Variants in TICAM1 observed in about 807,000 individuals in gnomAD.
TICAM1 encodes TIR domain containing adaptor molecule 1, also known as TIR domain-containing adapter molecule 1.
For missense variants in TICAM1, 895 were observed against 938.2 expected (o/e 0.95, Z 0.60); for synonymous variants, 439 against 415.4 (o/e 1.06, Z -0.69).
chr19:4,826,279 G>A (rs2093605245), intron 1 of TICAM1, among the ~76,000 whole-genome samples: 1 of 150,104 alleles, frequency 6.7e-6, no homozygotes, highest in African/African-American at 2.4e-5. Flanking sequence ...TTTACATATT[G>A]GATTAATAAA....
Position 4,817,982 on chromosome 19 carries a change from C to A in TICAM1, c.396G>T (p.Arg132=). The A allele has an allele frequency of 1.2e-6, 2 of 1,613,052 alleles. No individual in the cohort carries two copies. The highest frequency in any genetic ancestry group is 8.5e-7 in the Non-Finnish European group (1 of 1,179,862). The stretch of plus-strand genomic sequence containing the variant: ...GGGCCTCATCCTGAAGTTCCCCCAG[C>A]CGGTGGTCGTCCCTGGAGCTGAGGG... ...VRTLSSRDDH[R]LGELQDEARN... The change falls in exon 2 of 2, where the codon CGG becomes CGT. Residue 132 remains arginine, a synonymous_variant. Transcript: ENST00000248244. This position sits in a 1 kb window ranked among gnomAD's most constrained non-coding sequence, Gnocchi z 4.7.
At chr19:4,828,103 A>G (rs1212480687) in intron 1 of TICAM1, among the ~76,000 whole-genome samples, 1 of 151,168 alleles carries the variant, frequency 6.6e-6, no homozygotes, top group African/African-American at 2.5e-5. Context: ...CTTAGAATTC[A>G]CACTCTTTTT....
In TICAM1 at chr19:4,816,404, C is replaced by T. The variant is rs775404991; in HGVS notation, c.1974G>A (p.Pro658=). ...PAAFPQSLPF[P]QSPAFPTASP... Reference sequence around the variant, plus strand: ...AGGCCGTAGGGAAGGCTGGGGACTGCGGGAAGGGCAGTGACTGTGGAAAGG... The same window carrying T: ...AGGCCGTAGGGAAGGCTGGGGACTGTGGGAAGGGCAGTGACTGTGGAAAGG... Residue 658 remains proline (P), a synonymous_variant, in exon 2 of 2, where the codon CCG becomes CCA. Transcript: ENST00000248244. This position sits in a 1 kb window ranked among gnomAD's most constrained non-coding sequence, Gnocchi z 4.3. 1.9e-6 allele frequency: 3 copies of T among 1,552,574 alleles called. No individual in the cohort carries two copies. Among genetic ancestry groups the T allele is most frequent in the African/African-American group, 2.8e-5 (2 of 71,316 alleles).
chr19:4,816,713 G>C lies in TICAM1; in HGVS notation c.1665C>G (p.His555Gln), dbSNP rs550630185. ...DTRALREQSQ[H>Q]LDGERMQAAA... ...CCGCCTGCATCCGCTCACCGTCCAG[G>C]TGTTGGCTCTGTTCCCGCAGGGCTC... Residue 555 changes from histidine (H) to glutamine (Q), a missense_variant, in exon 2 of 2, where the codon CAC becomes CAG. Transcript: ENST00000248244. The surrounding 1 kb of genome is among the most constrained non-coding windows in gnomAD (Gnocchi z 4.3). 10 of 1,614,030 alleles carry C rather than the reference G, an allele frequency of 6.2e-6. No individual in the cohort carries two copies. The African/African-American group carries it at 1.2e-4, about 19-fold the overall frequency.
chr19:4,817,865 C>A lies in TICAM1; in HGVS notation c.513G>T (p.Leu171Phe). ...NLGCLPPSSA[L>F]PSGTRSLPRP... Reference sequence around the variant, plus strand: ...GTGGGAGGCTCCTGGTCCCAGAGGGCAAAGCCGAGGATGGTGGGAGGCAGC... The same window carrying A: ...GTGGGAGGCTCCTGGTCCCAGAGGGAAAAGCCGAGGATGGTGGGAGGCAGC... The change falls in exon 2 of 2, where the codon TTG becomes TTT. Residue 171 changes from leucine (L) to phenylalanine (F), a missense_variant. Transcript: ENST00000248244. The surrounding 1 kb of genome is among the most constrained non-coding windows in gnomAD (Gnocchi z 4.7). 1 of 1,613,132 alleles carries A rather than the reference C, an allele frequency of 6.2e-7. No homozygotes were observed. The highest frequency in any genetic ancestry group is 1.1e-5 in the South Asian group (1 of 91,056).
At position 4,818,135 on chromosome 19, in the gene TICAM1, G is replaced by A. The variant is rs2093590902; in HGVS notation, c.243C>T (p.Asp81=). 1 of 1,609,376 alleles carries A rather than the reference G, an allele frequency of 6.2e-7. No individual in the cohort carries two copies. The change falls in exon 2 of 2, where the codon GAC becomes GAT. Residue 81 remains aspartate, a synonymous_variant. Transcript: ENST00000248244. The surrounding 1 kb of genome is among the most constrained non-coding windows in gnomAD (Gnocchi z 4.0). Reference sequence around the variant, plus strand: ...GGGGCTCCTCTGGGTCCTCGGTGCTGTCCACGCCAGCCCACTGGCGGGCCA... The same window carrying A: ...GGGGCTCCTCTGGGTCCTCGGTGCTATCCACGCCAGCCCACTGGCGGGCCA... The part of the protein sequence containing the change: ...RLVARQWAGV[D]STEDPEEPPD...
chr19:4,830,946 C>T (rs527536868), intron 1 of TICAM1, among the ~76,000 whole-genome samples: 42 of 152,236 alleles, frequency 2.8e-4, no homozygotes, highest in African/African-American at 9.6e-4. Flanking sequence ...GTAAGGAAGC[C>T]CATGTGGCTG....
At position 4,818,497 on chromosome 19, in the gene TICAM1, C is replaced by T; in HGVS notation, c.-120G>A. 12 of 1,439,194 alleles carry T rather than the reference C, an allele frequency of 8.3e-6. No individual in the cohort carries two copies. The highest frequency in any genetic ancestry group is 1.1e-5 in the Non-Finnish European group (12 of 1,092,992). 89.2% of individuals were successfully genotyped at this position (1,439,194 alleles called of 1,614,324 possible). A position where few individuals can be genotyped will look rare whatever the true frequency, so the allele number is the denominator to read the frequency against. ...TACCCATTCACTGTTCCAGGTTCTG[C>T]AGGAGCTGCCCAAGCAGATCTGTAG... On this transcript the variant is annotated 5_prime_UTR_variant, in exon 2 of 2. Coordinates refer to ENST00000248244, the MANE Select transcript of TICAM1 (RefSeq NM_182919.4). The surrounding 1 kb of genome is among the most constrained non-coding windows in gnomAD (Gnocchi z 4.0).
At chr19:4,830,374 G>A (rs113931081) in intron 1 of TICAM1, among the ~76,000 whole-genome samples, 2,166 of 152,128 alleles carry the variant, frequency 0.014, 48 homozygotes, top group African/African-American at 0.049. Context: ...CACTGCACCC[G>A]GCTAACTTTC....
chr19:4,817,931 A>T lies in TICAM1; in HGVS notation c.447T>A (p.Ala149=). 1 of 1,613,972 alleles carries T rather than the reference A, an allele frequency of 6.2e-7. No homozygotes were observed. Among genetic ancestry groups the T allele is most frequent in the Non-Finnish European group, 8.5e-7 (1 of 1,179,996 alleles). ...EARNRCGWDI[A]GDPGSIRTLQ... is the part of the protein sequence containing the mutation. ...GCGTCCGGATGCTCCCTGGATCCCCAGCAATGTCCCACCCACACCGGTTTC... is the reference window on the plus strand; with the variant it reads ...GCGTCCGGATGCTCCCTGGATCCCCTGCAATGTCCCACCCACACCGGTTTC... The change falls in exon 2 of 2, where the codon GCT becomes GCA. Residue 149 remains alanine (A), a synonymous_variant. Coordinates refer to ENST00000248244, the MANE Select transcript of TICAM1 (RefSeq NM_182919.4). The surrounding 1 kb of genome is among the most constrained non-coding windows in gnomAD (Gnocchi z 4.7).
intron 1 of TICAM1, among the ~76,000 whole-genome samples, chr19:4,823,829 TA>T (rs1173775355): frequency 1.3e-5 from 2 of 152,080 alleles, no homozygotes; most frequent in Non-Finnish European, 2.9e-5. Context: ...TTCTGTTGCT[TA>T]AGCCATCCGG....
chr19:4,827,362 ACT>A (rs1217550310), intron 1 of TICAM1, among the ~76,000 whole-genome samples: 3 of 103,268 alleles, frequency 2.9e-5, no homozygotes, highest in African/African-American at 3.7e-5. Flanking sequence ...CAAGAGTGAA[ACT>A]CTGTCTCCAA....
rs67187848 is a variant in TICAM1 at position 4,821,644 on chromosome 19, A to ATTT, written c.-139-3131_-139-3129dup. ...CAGGGGCCACAAAATATGGCCCACG[A>ATTT]TTTTTTTTTTTTTTTTTGAGACAGA... is the stretch of plus-strand genomic sequence containing the variant. On this transcript the variant is annotated intron_variant, in intron 1 of 1. Transcript: ENST00000248244. 6.3e-4 allele frequency among the ~76,000 whole-genome samples: 86 copies of ATTT among 136,632 alleles called. 1 individual carries two copies. The highest frequency in any genetic ancestry group is 3.9e-3 in the Middle Eastern group (1 of 256). The allele number at this position is 136,632 out of a possible 152,430, so 89.6% of individuals were successfully genotyped here.
chr19:4,816,499 AC>A lies in TICAM1; in HGVS notation c.1878del (p.Cys627AlafsTer65). ...GAPPPFPTWP[G>X]CPQPPPLHAW... ...GCGTGCAGGGGTGGCGGCTGCGGGC[AC>A]CCCGGCCAAGTGGGAAAGGGTGGCG... On this transcript the variant is annotated frameshift_variant, in exon 2 of 2. Coordinates refer to ENST00000248244, the MANE Select transcript of TICAM1 (RefSeq NM_182919.4). LOFTEE classifies it low-confidence loss of function (END_TRUNC). The surrounding 1 kb of genome is among the most constrained non-coding windows in gnomAD (Gnocchi z 4.3). 1 of 1,574,388 alleles carries A rather than the reference AC, an allele frequency of 6.4e-7. No individual in the cohort carries two copies.
At chr19:4,831,303 GGGGAGGAATCTGGGGTGTCC>G (rs1199666051) in intron 1 of TICAM1, among the ~76,000 whole-genome samples, 1 of 150,380 alleles carries the variant, frequency 6.6e-6, no homozygotes, top group African/African-American at 2.4e-5. Flanking sequence ...CCTGGGTGTT[GGGGAGGAATCTGGGGTGTCC>G]GGGAGGAATC....
chr19:4,822,208 T>G (rs947997191), intron 1 of TICAM1, among the ~76,000 whole-genome samples: 3 of 151,996 alleles, frequency 2.0e-5, no homozygotes, highest in Non-Finnish European at 2.9e-5. Flanking sequence ...GTGCTGGGAT[T>G]ACAAGCGTGA....
Position 4,816,205 on chromosome 19 carries a change from G to T in TICAM1, c.*34C>A. The T allele has an allele frequency of 6.7e-7, 1 of 1,490,854 alleles. No individual in the cohort carries two copies. The highest frequency in any genetic ancestry group is 2.3e-5 in the Admixed American group (1 of 42,644). The allele number at this position is 1,490,854 out of a possible 1,614,324, so 92.4% of individuals were successfully genotyped here. ...GTCCTGGCCGATGCCTGGGTCCAGG[G>T]GTGTTCCCCAGGTGGTCAGGCAAGG... On this transcript the variant is annotated 3_prime_UTR_variant, in exon 2 of 2. Transcript: ENST00000248244. This position sits in a 1 kb window ranked among gnomAD's most constrained non-coding sequence, Gnocchi z 4.3.
intron 1 of TICAM1, among the ~76,000 whole-genome samples, chr19:4,830,236 C>T (rs8110961): frequency 1.3e-5 from 2 of 151,778 alleles, no homozygotes; most frequent in Non-Finnish European, 2.9e-5. Context: ...TACAGGTGTG[C>T]GGCACCACAC....
rs752723765 is a variant in TICAM1, at chr19:4,816,854, G to A, written c.1524C>T (p.Ser508=). Residue 508 remains serine (S), a synonymous_variant, in exon 2 of 2, where the codon TCC becomes TCT. Coordinates refer to ENST00000248244, the MANE Select transcript of TICAM1 (RefSeq NM_182919.4). This position sits in a 1 kb window ranked among gnomAD's most constrained non-coding sequence, Gnocchi z 4.3. Reference sequence around the variant, plus strand: ...AGTGTTCGTCCAGCCGCACCAGCCCGGAGAGCAGGCTGGCCGTGTCGGAGC... The same window carrying A: ...AGTGTTCGTCCAGCCGCACCAGCCCAGAGAGCAGGCTGGCCGTGTCGGAGC... ...QLSSDTASLL[S]GLVRLDEHSQ... 5.6e-6 allele frequency: 9 copies of A among 1,612,530 alleles called. No individual in the cohort carries two copies. In the South Asian group the frequency reaches 6.6e-5, roughly 12 times the overall value.
Sources: allele counts gnomAD v4.1 joint callset (sites outside exome capture counted in the v4.1 genomes callset), GRCh38; gene constraint gnomAD v4.1.1; non-coding constraint Gnocchi (gnomAD v3.1); transcripts MANE v1.5; gene names NCBI Gene and HGNC (gene_info 2026-07-23, HGNC 2026-07-21).